NRXN1: variants seen among roughly 807,000 people sequenced by gnomAD.
NRXN1 encodes neurexin-1.
In NRXN1, 39 loss-of-function variants were observed where a neutral mutation model predicts 150.9. That is an observed-to-expected ratio of 0.26 (90% CI 0.20 to 0.34). The LOEUF (loss-of-function observed/expected upper bound fraction) is 0.34, where lower values mean the gene tolerates loss of function less well. Ranked by LOEUF, NRXN1 falls within the 10% of genes least tolerant of loss-of-function variation. The pLI is 1.00. For missense variants in NRXN1, 1,815 were observed against 1,949.9 expected (o/e 0.93, Z 1.30); for synonymous variants, 924 against 757.0 (o/e 1.22, Z -3.62).
rs1355219568 is a variant in NRXN1, at chr2:50,763,721, T to C, written c.833-140106A>G. The stretch of plus-strand genomic sequence containing the variant: ...TTTGCCTTGTAACTGCCATTGAAGG[T>C]GATATTTCACCTGATAAAGTCAGTT... On this transcript the variant is annotated intron_variant, in intron 5 of 22. Transcript: ENST00000401669. 2.6e-5 allele frequency among the ~76,000 whole-genome samples: 4 copies of C among 151,884 alleles called. No individual in the cohort carries two copies. In the East Asian group the frequency reaches 7.8e-4, roughly 30 times the overall value.
At chr2:50,179,020 T>C (rs1367471432) in intron 18 of NRXN1, among the ~76,000 whole-genome samples, 1 of 152,100 alleles carries the variant, frequency 6.6e-6, no homozygotes, top group Non-Finnish European at 1.5e-5. Flanking sequence ...AAAAAGAAAA[T>C]ACTGAAGACT....
chr2:50,616,429 G>A (rs1217491167), intron 8 of NRXN1: 1 of 152,090 alleles, frequency 6.6e-6, no homozygotes, highest in Non-Finnish European at 1.5e-5. Flanking sequence ...AAAGACCTAA[G>A]TTGCTTCTAA....
At chr2:50,690,151 G>C (rs566445549) in intron 5 of NRXN1, among the ~76,000 whole-genome samples, 3 of 152,114 alleles carry the variant, frequency 2.0e-5, no homozygotes, top group South Asian at 2.1e-4. Flanking sequence ...CTTGTATTTT[G>C]AATAACAACT....
intron 5 of NRXN1, among the ~76,000 whole-genome samples, chr2:50,762,841 T>C (rs2105395025): frequency 6.6e-6 from 1 of 152,096 alleles, no homozygotes; most frequent in African/African-American, 2.4e-5. Flanking sequence ...ATTTATTTTC[T>C]TTTGGATATA....
intron 2 of NRXN1, among the ~76,000 whole-genome samples, chr2:51,018,862 C>T (rs928373979): frequency 6.6e-6 from 1 of 151,956 alleles, no homozygotes; most frequent in African/African-American, 2.4e-5. Flanking sequence ...TATTTTGGGG[C>T]TTTACTGCTG....
At chr2:50,212,622 G>C (rs896514795) in intron 18 of NRXN1, among the ~76,000 whole-genome samples, 3 of 151,870 alleles carry the variant, frequency 2.0e-5, no homozygotes, top group Admixed American at 2.0e-4. Flanking sequence ...GTTGAAGGTG[G>C]TTTGGGACAT....
chr2:50,467,889 TAAG>T (rs1389680962), intron 16 of NRXN1, among the ~76,000 whole-genome samples: 1 of 151,508 alleles, frequency 6.6e-6, no homozygotes, highest in East Asian at 1.9e-4. Context: ...AGTAAAGAAA[TAAG>T]AACCACTTAA....
At chr2:50,663,648 A>G (rs1687619738) in intron 5 of NRXN1, among the ~76,000 whole-genome samples, 1 of 152,048 alleles carries the variant, frequency 6.6e-6, no homozygotes, top group African/African-American at 2.4e-5. Flanking sequence ...GATACATGAC[A>G]ATTAATGTAG....
intron 18 of NRXN1, among the ~76,000 whole-genome samples, chr2:50,206,870 C>G (rs188575925): frequency 1.3e-5 from 2 of 148,894 alleles, no homozygotes; most frequent in African/African-American, 2.5e-5. Context: ...CACACACACA[C>G]AGAAATGGGC....
intron 18 of NRXN1, among the ~76,000 whole-genome samples, chr2:50,155,029 C>G (rs1288237212): frequency 6.6e-6 from 1 of 151,474 alleles, no homozygotes; most frequent in South Asian, 2.1e-4. Flanking sequence ...TTCATCAAAG[C>G]TGTAAAATAA....
chr2:50,130,065 G>A (rs1196617398), intron 18 of NRXN1, among the ~76,000 whole-genome samples: 5 of 151,868 alleles, frequency 3.3e-5, no homozygotes, highest in South Asian at 4.2e-4. Context: ...TATTATTCCC[G>A]TTTTACAGAT....
intron 8 of NRXN1, among the ~76,000 whole-genome samples, chr2:50,589,965 T>C (rs1319276287): frequency 6.6e-6 from 1 of 152,226 alleles, no homozygotes; most frequent in African/African-American, 2.4e-5. Context: ...ATACCTGGAA[T>C]ACAGCAGATT....
At chr2:49,961,527 A>T (rs1675954340) in intron 21 of NRXN1, among the ~76,000 whole-genome samples, 1 of 152,160 alleles carries the variant, frequency 6.6e-6, no homozygotes, top group Non-Finnish European at 1.5e-5. Flanking sequence ...AAAAAGAAAA[A>T]CAACCCAGAA....
At chr2:50,302,351 T>C (rs2074233308) in intron 17 of NRXN1, among the ~76,000 whole-genome samples, 1 of 152,198 alleles carries the variant, frequency 6.6e-6, no homozygotes, top group Non-Finnish European at 1.5e-5. Flanking sequence ...CATAGGGCTT[T>C]TTGTATTCTT....
intron 5 of NRXN1, among the ~76,000 whole-genome samples, chr2:50,880,311 A>T (rs1247474019): frequency 2.0e-5 from 3 of 151,994 alleles, no homozygotes; most frequent in African/African-American, 7.2e-5. Context: ...TAACCAACTG[A>T]AATAAGGAGT....
intron 18 of NRXN1, among the ~76,000 whole-genome samples, chr2:50,171,444 C>G (rs898830511): frequency 6.6e-6 from 1 of 152,062 alleles, no homozygotes; most frequent in African/African-American, 2.4e-5. Flanking sequence ...AGCTATAATA[C>G]TGTTTAAATA....
intron 12 of NRXN1, among the ~76,000 whole-genome samples, chr2:50,528,168 C>T (rs543540099): frequency 1.8e-4 from 28 of 151,850 alleles, no homozygotes; most frequent in Admixed American, 4.6e-4. Context: ...ACGTTTTAGA[C>T]GAGTAATTTT....
At chr2:50,272,976 A>G (rs1228129274) in intron 17 of NRXN1, among the ~76,000 whole-genome samples, 1 of 152,144 alleles carries the variant, frequency 6.6e-6, no homozygotes, top group Non-Finnish European at 1.5e-5. Context: ...GCAAGTCTGC[A>G]TAGGAAGTTC....
At chr2:50,059,522 C>T (rs943517298) in intron 19 of NRXN1, among the ~76,000 whole-genome samples, 3 of 152,182 alleles carry the variant, frequency 2.0e-5, no homozygotes, top group African/African-American at 7.2e-5. Context: ...AAATTCAAGC[C>T]AGCTGAAGAA....
Sources: gnomAD v4.1 joint callset for allele counts (sites outside exome capture counted in the v4.1 genomes callset) on GRCh38, gnomAD v4.1.1 for gene constraint, MANE v1.5 for transcripts, NCBI Gene and HGNC (gene_info 2026-07-23, HGNC 2026-07-21) for gene names.